Variants in EFNA5 observed in about 807,000 individuals in gnomAD.
The protein encoded by EFNA5 is ephrin A5.
EFNA5 carries 5 observed loss-of-function variants against 22.9 expected under a neutral mutation model. The observed-to-expected ratio is 0.22, with a 90% CI of 0.11 to 0.46. The LOEUF (loss-of-function observed/expected upper bound fraction) is 0.46, where lower values mean the gene tolerates loss of function less well. Ranked by LOEUF, EFNA5 falls within the 20% of genes least tolerant of loss-of-function variation. The pLI, the probability that EFNA5 is intolerant of heterozygous loss-of-function variation, is 0.99. For missense variants in EFNA5, 237 were observed against 293.3 expected (o/e 0.81, Z 1.40); for synonymous variants, 113 against 112.2 (o/e 1.01, Z -0.04).
chr5:107,656,149 T>A (rs1750817021), intron 1 of EFNA5, among the ~76,000 whole-genome samples: 1 of 152,174 alleles, frequency 6.6e-6, no homozygotes, highest in African/African-American at 2.4e-5. Flanking sequence ...AGATATCTCA[T>A]TATAACTATG....
At chr5:107,578,885 C>T (rs1204170961) in intron 1 of EFNA5, among the ~76,000 whole-genome samples, 1 of 152,172 alleles carries the variant, frequency 6.6e-6, no homozygotes, top group East Asian at 1.9e-4. Context: ...CCTAAGACCC[C>T]AGCAGTGTTT....
At chr5:107,641,565 A>G (rs1406183481) in intron 1 of EFNA5, among the ~76,000 whole-genome samples, 2 of 152,176 alleles carry the variant, frequency 1.3e-5, no homozygotes, top group Non-Finnish European at 2.9e-5. Context: ...AGTAAATAAT[A>G]GACAGTTCAC....
chr5:107,633,486 C>T (rs940158071), intron 1 of EFNA5, among the ~76,000 whole-genome samples: 3 of 152,232 alleles, frequency 2.0e-5, no homozygotes, highest in African/African-American at 7.2e-5. Context: ...CGGGGCCCCG[C>T]GCCTCATGGC....
chr5:107,424,646 A>G (rs1164981905), intron 2 of EFNA5, among the ~76,000 whole-genome samples: 1 of 152,190 alleles, frequency 6.6e-6, no homozygotes, highest in Non-Finnish European at 1.5e-5. Context: ...GAGATCAGCA[A>G]TAGAGCATCT....
chr5:107,459,778 C>T (rs1749787340), intron 1 of EFNA5, among the ~76,000 whole-genome samples: 1 of 152,156 alleles, frequency 6.6e-6, no homozygotes, highest in East Asian at 1.9e-4. Flanking sequence ...TGAGTTCACA[C>T]TGTCTCAGTG....
chr5:107,554,457 T>G (rs532378837), intron 1 of EFNA5, among the ~76,000 whole-genome samples: 1 of 152,116 alleles, frequency 6.6e-6, no homozygotes, highest in African/African-American at 2.4e-5. Flanking sequence ...ATGGGAAAAA[T>G]TAATATTTGC....
intron 1 of EFNA5, among the ~76,000 whole-genome samples, chr5:107,619,625 T>C (rs1749995087): frequency 1.3e-5 from 2 of 151,830 alleles, no homozygotes; most frequent in South Asian, 4.2e-4. Context: ...CATACCCGGC[T>C]AATTTTTATA....
chr5:107,492,129 CT>C lies in EFNA5; in HGVS notation c.126-64621del, dbSNP rs1472790255. 2.6e-5 allele frequency among the ~76,000 whole-genome samples: 4 copies of C among 152,176 alleles called. No homozygotes were observed. In the East Asian group the frequency reaches 5.8e-4, roughly 22 times the overall value. The stretch of plus-strand genomic sequence containing the variant: ...GAATTACAGGTATGAGCCACCACCC[CT>C]GGCCTAAAAATGTAATTTTAAAAGT... On this transcript the variant is annotated intron_variant, in intron 1 of 4. Coordinates refer to ENST00000333274, the MANE Select transcript of EFNA5 (RefSeq NM_001962.3).
At chr5:107,608,728 A>G (rs1303734815) in intron 1 of EFNA5, among the ~76,000 whole-genome samples, 1 of 152,134 alleles carries the variant, frequency 6.6e-6, no homozygotes, top group Non-Finnish European at 1.5e-5. Flanking sequence ...ACCTTTCACA[A>G]AGTGTCAGCA....
At chr5:107,413,760 C>A (rs981729947) in intron 2 of EFNA5, among the ~76,000 whole-genome samples, 1 of 152,110 alleles carries the variant, frequency 6.6e-6, no homozygotes, top group Non-Finnish European at 1.5e-5. Context: ...TTGTTTGCAT[C>A]AGCAAGGTCA....
chr5:107,636,417 A>T (rs1028565673), intron 1 of EFNA5, among the ~76,000 whole-genome samples: 2 of 152,334 alleles, frequency 1.3e-5, no homozygotes, highest in East Asian at 3.9e-4. Context: ...ATACAAGAAA[A>T]TGCTTTATCA....
intron 1 of EFNA5, among the ~76,000 whole-genome samples, chr5:107,440,469 A>C (rs944198512): frequency 2.0e-5 from 3 of 152,198 alleles, no homozygotes; most frequent in Non-Finnish European, 4.4e-5. Context: ...TATTGCCAGA[A>C]GCTCTGAATG....
At chr5:107,615,413 A>G (rs1400123546) in intron 1 of EFNA5, among the ~76,000 whole-genome samples, 4 of 152,142 alleles carry the variant, frequency 2.6e-5, no homozygotes, top group Non-Finnish European at 5.9e-5. Flanking sequence ...GAGTGGTATC[A>G]GGCACTACTG....
intron 1 of EFNA5, among the ~76,000 whole-genome samples, chr5:107,524,553 A>G (rs1747657332): frequency 6.6e-6 from 1 of 152,256 alleles, no homozygotes; most frequent in Non-Finnish European, 1.5e-5. Flanking sequence ...ACTGGCAAAC[A>G]GAGAAGAAGA....
At chr5:107,618,167 T>C (rs950730274) in intron 1 of EFNA5, among the ~76,000 whole-genome samples, 1 of 152,220 alleles carries the variant, frequency 6.6e-6, no homozygotes, top group Non-Finnish European at 1.5e-5. Flanking sequence ...TCCAAAATAT[T>C]CAGCCTGATC....
At chr5:107,522,909 A>C (rs992713210) in intron 1 of EFNA5, among the ~76,000 whole-genome samples, 1 of 152,128 alleles carries the variant, frequency 6.6e-6, no homozygotes, top group South Asian at 2.1e-4. Context: ...CCATTCACTA[A>C]ATCATGGGAC....
chr5:107,667,401 C>A (rs1046412284), intron 1 of EFNA5, among the ~76,000 whole-genome samples: 14 of 148,638 alleles, frequency 9.4e-5, no homozygotes, highest in African/African-American at 3.6e-4. Flanking sequence ...TATTTTTTCC[C>A]GTGAAACTAC....
rs752187348 is a variant in EFNA5, at chr5:107,381,404, A to T, written c.566-28T>A. The T allele has an allele frequency of 3.2e-6, 5 of 1,587,148 alleles. No individual in the cohort carries two copies. In the South Asian group the frequency reaches 5.6e-5, roughly 18 times the overall value. ...GTTCAAATAGAAAGCACACATTCCA[A>T]TGAGATTTCACATCCTTAATAACTC... On this transcript the variant is annotated intron_variant, in intron 4 of 4. Coordinates refer to ENST00000333274, the MANE Select transcript of EFNA5 (RefSeq NM_001962.3).
At chr5:107,432,262 A>G (rs887147223) in intron 1 of EFNA5, among the ~76,000 whole-genome samples, 3 of 152,256 alleles carry the variant, frequency 2.0e-5, no homozygotes, top group African/African-American at 7.2e-5. Flanking sequence ...ACATAAAGGA[A>G]TCTTTTTTCC....
Sources: allele counts gnomAD v4.1 joint callset (sites outside exome capture counted in the v4.1 genomes callset), GRCh38; gene constraint gnomAD v4.1.1; transcripts MANE v1.5; gene names NCBI Gene and HGNC (gene_info 2026-07-23, HGNC 2026-07-21).